Variants in PRMT8 observed in about 807,000 individuals in gnomAD.
The protein encoded by PRMT8 is protein arginine methyltransferase 8, also known as protein arginine N-methyltransferase 8.
A neutral mutation model predicts 47.1 loss-of-function variants in PRMT8; 7 were observed. The observed-to-expected ratio is 0.15, with a 90% CI of 0.08 to 0.28. The LOEUF (loss-of-function observed/expected upper bound fraction) is 0.28. PRMT8 is among the 10% of genes least tolerant of loss of function. PRMT8 has a pLI of 1.00. For synonymous variants in PRMT8, 188 were observed against 186.5 expected (o/e 1.01, Z -0.07); for missense variants, 237 against 505.4 (o/e 0.47, Z 5.09).
chr12:3,572,220 G>T lies in PRMT8; in HGVS notation c.712+2656G>T, dbSNP rs572224585. ...GAGATAAATATCTGGCATATACTAGGCTCACAATACATAATTTTAACGAAG... is the reference window on the plus strand; with the variant it reads ...GAGATAAATATCTGGCATATACTAGTCTCACAATACATAATTTTAACGAAG... On this transcript the variant is annotated intron_variant, in intron 6 of 9. Transcript: ENST00000382622. This position sits in a 1 kb window ranked among gnomAD's most constrained non-coding sequence, Gnocchi z 5.9. Among the ~76,000 whole-genome samples the T allele has an allele frequency of 8.5e-5, 13 of 152,202 alleles. No individual in the cohort carries two copies. Among genetic ancestry groups the T allele is most frequent in the Non-Finnish European group, 1.8e-4 (12 of 68,006 alleles).
At chr12:3,525,323 G>A (rs984931716) in intron 1 of PRMT8, among the ~76,000 whole-genome samples, 7 of 152,198 alleles carry the variant, frequency 4.6e-5, no homozygotes, top group Admixed American at 6.5e-5. Flanking sequence ...ATAAAGATCA[G>A]GGTGACAGAG....
At chr12:3,499,196 T>C (rs1266623806) in intron 1 of PRMT8, among the ~76,000 whole-genome samples, 30 of 141,130 alleles carry the variant, frequency 2.1e-4, no homozygotes, top group African/African-American at 7.7e-4. Flanking sequence ...TTCCTTTCTT[T>C]TTTTTTTTTT....
chr12:3,446,562 T>G (rs548936941), intron 1 of PRMT8, among the ~76,000 whole-genome samples: 1 of 152,318 alleles, frequency 6.6e-6, no homozygotes, highest in South Asian at 2.1e-4. Flanking sequence ...TCTAGCCCTC[T>G]TTAATTCCAG....
chr12:3,385,629 G>A (rs200971621), intron 1 of PRMT8, among the ~76,000 whole-genome samples: 1 of 152,172 alleles, frequency 6.6e-6, no homozygotes, highest in Non-Finnish European at 1.5e-5. Context: ...CAGTTCTTAA[G>A]CAAAGATATG....
At chr12:3,397,902 G>A (rs557706478) in intron 1 of PRMT8, among the ~76,000 whole-genome samples, 321 of 152,072 alleles carry the variant, frequency 2.1e-3, no homozygotes, top group South Asian at 5.4e-3. Flanking sequence ...GGTGTGGGAT[G>A]TAATCTCCTG....
chr12:3,449,133 A>G (rs1404720554), intron 1 of PRMT8, among the ~76,000 whole-genome samples: 1 of 152,154 alleles, frequency 6.6e-6, no homozygotes, highest in African/African-American at 2.4e-5. Context: ...TATGCAACCT[A>G]TCACTAGTGG....
At chr12:3,519,261 G>A (rs180743564) in intron 1 of PRMT8, among the ~76,000 whole-genome samples, 19 of 152,266 alleles carry the variant, frequency 1.2e-4, no homozygotes, top group Non-Finnish European at 2.4e-4. Flanking sequence ...GAAAATAAGC[G>A]AGATAGAGAC....
At chr12:3,419,258 C>T (rs1017815443) in intron 1 of PRMT8, among the ~76,000 whole-genome samples, 7 of 152,166 alleles carry the variant, frequency 4.6e-5, no homozygotes, top group South Asian at 2.1e-4. Context: ...CAGGGGCTTC[C>T]GCCTTGCTTA....
intron 1 of PRMT8, among the ~76,000 whole-genome samples, chr12:3,485,141 C>T (rs560764602): frequency 6.6e-6 from 1 of 152,282 alleles, no homozygotes; most frequent in Non-Finnish European, 1.5e-5. Flanking sequence ...AACATGAAAT[C>T]CATGCTCTGT....
At position 3,445,907 on chromosome 12, in the gene PRMT8, G is replaced by A. The variant is rs972452449; in HGVS notation, c.48+64465G>A. 3.9e-5 allele frequency among the ~76,000 whole-genome samples: 6 copies of A among 152,114 alleles called. No individual in the cohort carries two copies. The East Asian group carries it at 5.8e-4, about 15-fold the overall frequency. The stretch of plus-strand genomic sequence containing the variant: ...GACCATCAGACTACTTAGGAGAGCC[G>A]TCCTGAGCCACCTACCTCCTGGCCC... On this transcript the variant is annotated intron_variant, in intron 1 of 9. Coordinates refer to the PRMT8 transcript ENST00000452611.
At chr12:3,531,571 G>A (rs1232204544) in intron 1 of PRMT8, among the ~76,000 whole-genome samples, 2 of 152,172 alleles carry the variant, frequency 1.3e-5, no homozygotes, top group South Asian at 2.1e-4. Flanking sequence ...GTGCTGTGTG[G>A]GTGCAATGCC....
At position 3,538,915 on chromosome 12, in the gene PRMT8, C is replaced by T. The variant is rs1379835859; in HGVS notation, c.76-1691C>T. On this transcript the variant is annotated intron_variant, in intron 1 of 9. Transcript: ENST00000382622. The surrounding 1 kb of genome is among the most constrained non-coding windows in gnomAD (Gnocchi z 4.6). The stretch of plus-strand genomic sequence containing the variant: ...GGGAAGTCTGCTTATTTCCCAAGGG[C>T]GGTAGCCTAGGTACACTGGGAAGAT... Among the ~76,000 whole-genome samples the T allele has an allele frequency of 6.6e-6, 1 of 152,194 alleles. No homozygotes were observed. Among genetic ancestry groups the T allele is most frequent in the African/African-American group, 2.4e-5 (1 of 41,450 alleles).
chr12:3,483,520 T>C (rs1483766321), intron 1 of PRMT8, among the ~76,000 whole-genome samples: 2 of 152,128 alleles, frequency 1.3e-5, no homozygotes, highest in South Asian at 2.1e-4. Context: ...GGTTGAGAGG[T>C]ACGCTGGGAT....
At chr12:3,590,285 C>T (rs1166234710) in intron 8 of PRMT8, among the ~76,000 whole-genome samples, 1 of 152,160 alleles carries the variant, frequency 6.6e-6, no homozygotes, top group Non-Finnish European at 1.5e-5. Flanking sequence ...CAAGCCAGTT[C>T]ATTGTGAAGG....
chr12:3,465,235 TA>T (rs1269092957), intron 1 of PRMT8, among the ~76,000 whole-genome samples: 2 of 140,520 alleles, frequency 1.4e-5, no homozygotes, highest in African/African-American at 5.2e-5. Flanking sequence ...ATAAAATATA[TA>T]TATTTTTATA....
rs991434993 is a variant in PRMT8, at chr12:3,552,901, C to T, written c.418-750C>T. ...AGAGAGCCGGCTCCGGAGGTGAGGA[C>T]GGCTCTTGGCAGCTGCCCCTCCATG... On this transcript the variant is annotated intron_variant, in intron 3 of 9. Transcript: ENST00000382622. This position sits in a 1 kb window ranked among gnomAD's most constrained non-coding sequence, Gnocchi z 4.5. 2.3e-5 allele frequency: 9 copies of T among 384,412 alleles called. No individual in the cohort carries two copies. The highest frequency in any genetic ancestry group is 7.5e-5 in the East Asian group (1 of 13,388). The allele number at this position is 384,412 out of a possible 1,614,324, so 23.8% of individuals were successfully genotyped here. A position where few individuals can be genotyped will look rare whatever the true frequency, so the allele number is the denominator to read the frequency against.
intron 1 of PRMT8, among the ~76,000 whole-genome samples, chr12:3,399,622 A>G (rs767914098): frequency 2.6e-5 from 4 of 152,184 alleles, no homozygotes; most frequent in East Asian, 3.9e-4. Context: ...AGGAGTCAAT[A>G]TCGTGAATTG....
At chr12:3,399,527 G>T (rs1168024577) in intron 1 of PRMT8, among the ~76,000 whole-genome samples, 1 of 151,408 alleles carries the variant, frequency 6.6e-6, no homozygotes, top group African/African-American at 2.5e-5. Context: ...TGGTGGAAGG[G>T]AGCCGGGCCC....
At chr12:3,474,605 C>A (rs1381258035) in intron 1 of PRMT8, among the ~76,000 whole-genome samples, 1 of 152,066 alleles carries the variant, frequency 6.6e-6, no homozygotes, top group Non-Finnish European at 1.5e-5. Flanking sequence ...GGCCTTCCTC[C>A]TCTTTGCTTG....
Sources: allele counts gnomAD v4.1 joint callset (sites outside exome capture counted in the v4.1 genomes callset), GRCh38; gene constraint gnomAD v4.1.1; non-coding constraint Gnocchi (gnomAD v3.1); transcripts MANE v1.5; gene names NCBI Gene and HGNC (gene_info 2026-07-23, HGNC 2026-07-21).